Variants in SLC22A5 observed in about 807,000 individuals in gnomAD.
The protein encoded by SLC22A5 is solute carrier family 22 member 5.
In SLC22A5, 44 loss-of-function variants were observed where a neutral mutation model predicts 56.7. The observed-to-expected ratio is 0.78, with a 90% CI of 0.61 to 1.00. The LOEUF is 1.00. Among genes scored for constraint, SLC22A5 ranks in the 50% least tolerant of loss-of-function variants. SLC22A5 has a pLI of 0.00. For synonymous variants in SLC22A5, 278 were observed against 292.1 expected (o/e 0.95, Z 0.49); for missense variants, 675 against 723.0 (o/e 0.93, Z 0.76).
rs386134204 is a variant in SLC22A5 at position 132,385,480 on chromosome 5, CT to C, written c.806del (p.Leu269HisfsTer27). ...LLVALTMPGV[L>X]CVALWWFIPE... The stretch of plus-strand genomic sequence containing the variant: ...GGTGGCGCTGACGATGCCGGGGGTG[CT>C]ATGCGTGGCACTCTGGTGGTGAGTG... On this transcript the variant is annotated frameshift_variant, in exon 4 of 10. Coordinates refer to ENST00000245407, the MANE Select transcript of SLC22A5 (RefSeq NM_003060.4). LOFTEE classifies it high-confidence loss of function. 2.5e-6 allele frequency: 4 copies of C among 1,614,008 alleles called. No individual in the cohort carries two copies. In the Admixed American group the frequency reaches 6.7e-5, roughly 27 times the overall value.
chr5:132,384,117 G>A, intron 2 of SLC22A5, 30 bp from the exon 3 acceptor site: 1 of 1,613,522 alleles, frequency 6.2e-7, no homozygotes, highest in South Asian at 1.1e-5. Flanking sequence ...TTTTCCAGCT[G>A]GTTATCTGTC....
In SLC22A5 at chr5:132,394,872, G is replaced by A. The variant is rs146004611; in HGVS notation, c.*600G>A. ...CAGATCACCAGCAAAGTGCACTGAT[G>A]TGTGAGCTCTTAAGACCACTCAGCA... On this transcript the variant is annotated 3_prime_UTR_variant, in exon 10 of 10. Transcript: ENST00000245407. The A allele has an allele frequency of 3.8e-5, 6 of 158,008 alleles. No homozygotes were observed. Among genetic ancestry groups the A allele is most frequent in the African/African-American group, 1.4e-4 (6 of 41,478 alleles). 9.8% of individuals were successfully genotyped at this position (158,008 alleles called of 1,614,324 possible). A position where few individuals can be genotyped will look rare whatever the true frequency, so the allele number is the denominator to read the frequency against.
chr5:132,390,818 T>A lies in SLC22A5; in HGVS notation c.1181T>A (p.Leu394Gln). 1 of 1,614,252 alleles carries A rather than the reference T, an allele frequency of 6.2e-7. No homozygotes were observed. The highest frequency in any genetic ancestry group is 1.1e-5 in the South Asian group (1 of 91,092). The change falls in exon 7 of 10, where the codon CTG becomes CAG. Residue 394 changes from leucine (L) to glutamine (Q), a missense_variant. Transcript: ENST00000245407. ...GCATATGTGTTGGCCTGGCTGCTGCTGCAATATTTGCCCCGGCGCTATTCC... is the reference window on the plus strand; with the variant it reads ...GCATATGTGTTGGCCTGGCTGCTGCAGCAATATTTGCCCCGGCGCTATTCC... ...VPAYVLAWLL[L>Q]QYLPRRYSMA...
rs149468681 is a variant in SLC22A5 at position 132,387,462 on chromosome 5, T to C, written c.951+311T>C. Among the ~76,000 whole-genome samples, 392 of 152,320 alleles carry C rather than the reference T, an allele frequency of 2.6e-3. 1 individual carries two copies. Among genetic ancestry groups the C allele is most frequent in the Middle Eastern group, 0.017 (5 of 294 alleles). On this transcript the variant is annotated intron_variant, in intron 5 of 9. Transcript: ENST00000245407. ...AACAATAAATACTCTTTTTGAGTAA[T>C]AGGCCTTTCATAAAGTCAGCATTTG... is the stretch of plus-strand genomic sequence containing the variant.
intron 1 of SLC22A5, 133 bp downstream of exon 1, chr5:132,370,498 C>A: frequency 9.6e-7 from 1 of 1,040,152 alleles, no homozygotes; most frequent in Non-Finnish European, 1.4e-6. Context: ...AACACCCTAG[C>A]GATGGAGACC....
At chr5:132,379,384 T>C (rs1292239783) in intron 2 of SLC22A5, 1 of 152,274 alleles carries the variant, frequency 6.6e-6, no homozygotes, top group Non-Finnish European at 1.5e-5. Context: ...GCATCTTCCC[T>C]GGTTTTTAAT....
chr5:132,371,185 T>C (rs1056837700), intron 1 of SLC22A5, among the ~76,000 whole-genome samples: 1 of 152,172 alleles, frequency 6.6e-6, no homozygotes, highest in Non-Finnish European at 1.5e-5. Flanking sequence ...CAGGATGGTC[T>C]CGATCTCTTG....
chr5:132,394,283 A>G lies in SLC22A5; in HGVS notation c.*11A>G. The stretch of plus-strand genomic sequence containing the variant: ...AGCACAGCCTTCTAACATCGCTTCC[A>G]GTAAGGGAGAAACTGAAGAGGAAAG... On this transcript the variant is annotated 3_prime_UTR_variant, in exon 10 of 10. Transcript: ENST00000245407. The G allele has an allele frequency of 6.3e-7, 1 of 1,580,154 alleles. No homozygotes were observed. The highest frequency in any genetic ancestry group is 8.7e-7 in the Non-Finnish European group (1 of 1,149,014).
chr5:132,392,908 A>T (rs1752756488), intron 8 of SLC22A5, among the ~76,000 whole-genome samples: 1 of 152,214 alleles, frequency 6.6e-6, no homozygotes, highest in Admixed American at 6.5e-5. Flanking sequence ...TTATCCTAAG[A>T]ACCTACAGAG....
intron 1 of SLC22A5, among the ~76,000 whole-genome samples, chr5:132,375,420 A>G (rs560910707): frequency 1.3e-4 from 20 of 152,204 alleles, no homozygotes; most frequent in Non-Finnish European, 2.2e-4. Flanking sequence ...CTGACTGTTG[A>G]TACGGTCAGG....
At chr5:132,376,041 C>A (rs1752129354) in intron 1 of SLC22A5, 1 of 152,180 alleles carries the variant, frequency 6.6e-6, no homozygotes, top group South Asian at 2.1e-4. Flanking sequence ...GTAGGGGGTA[C>A]TTAGCCTGGA....
chr5:132,385,318 T>A lies in SLC22A5; in HGVS notation c.653-10T>A, dbSNP rs765335540. ...TAAACTGCTAACTCGACCTCCCTTG[T>A]TTTGAACAGGGACAGAAATTCTTGG... On this transcript the variant is annotated splice_polypyrimidine_tract_variant and intron_variant, in intron 3 of 9. Coordinates refer to ENST00000245407, the MANE Select transcript of SLC22A5 (RefSeq NM_003060.4). 1 of 1,613,530 alleles carries A rather than the reference T, an allele frequency of 6.2e-7. No homozygotes were observed. Among genetic ancestry groups the A allele is most frequent in the Non-Finnish European group, 8.5e-7 (1 of 1,179,754 alleles).
intron 6 of SLC22A5, 149 bp from the exon 7 acceptor site, chr5:132,390,541 T>A: frequency 1.4e-6 from 1 of 724,470 alleles, no homozygotes; most frequent in Non-Finnish European, 2.5e-6. Context: ...ATCTATGAAG[T>A]AAGACGCAGG....
chr5:132,377,293 T>A (rs1443656671), intron 1 of SLC22A5: 2 of 152,206 alleles, frequency 1.3e-5, no homozygotes, highest in Non-Finnish European at 2.9e-5. Context: ...GGGAGCCGCA[T>A]GTCCCCTTGC....
intron 1 of SLC22A5, among the ~76,000 whole-genome samples, chr5:132,371,065 C>G (rs539200263): frequency 6.6e-6 from 1 of 150,866 alleles, no homozygotes; most frequent in Non-Finnish European, 1.5e-5. Context: ...CTGCAATCTT[C>G]GCCTTCCGGG....
intron 3 of SLC22A5, 81 bp from the exon 4 acceptor site, chr5:132,385,247 T>A: frequency 8.1e-7 from 1 of 1,232,078 alleles, no homozygotes; most frequent in East Asian, 2.3e-5. Flanking sequence ...CTTGTCTGTG[T>A]ATTCACAAAG....
chr5:132,380,315 G>A (rs1752305952), intron 2 of SLC22A5: 1 of 152,298 alleles, frequency 6.6e-6, no homozygotes, highest in African/African-American at 2.4e-5. Context: ...GGCAGGCAGA[G>A]CCCTGGGCAG....
intron 4 of SLC22A5, 39 bp from the exon 5 acceptor site, chr5:132,386,986 G>T (rs1390102488): frequency 6.2e-7 from 1 of 1,612,512 alleles, no homozygotes; most frequent in South Asian, 1.1e-5. Context: ...TCTGCTGTTG[G>T]CAGGGAGGCC....
In SLC22A5 at chr5:132,394,392, G is replaced by T. The variant is rs897355120; in HGVS notation, c.*120G>T. The T allele has an allele frequency of 1.6e-5, 13 of 822,836 alleles. No individual in the cohort carries two copies. Among genetic ancestry groups the T allele is most frequent in the Non-Finnish European group, 2.6e-5 (12 of 464,994 alleles). 51.0% of individuals were successfully genotyped at this position (822,836 alleles called of 1,614,324 possible). On this transcript the variant is annotated 3_prime_UTR_variant, in exon 10 of 10. Coordinates refer to ENST00000245407, the MANE Select transcript of SLC22A5 (RefSeq NM_003060.4). ...CCTTTGCTGTTTGTCCTCTTGACCT[G>T]TGTCTGACTTGCTCCTGGATGGGCA...
Sources: allele counts gnomAD v4.1 joint callset (sites outside exome capture counted in the v4.1 genomes callset), GRCh38; gene constraint gnomAD v4.1.1; transcripts MANE v1.5; gene names NCBI Gene and HGNC (gene_info 2026-07-23, HGNC 2026-07-21).